The following SPATA6 variants were observed in gnomAD, a reference collection of about 807,000 sequenced individuals.
SPATA6 encodes spermatogenesis associated 6, also known as spermatogenesis-associated protein 6.
Under a neutral mutation model 65.3 loss-of-function variants are expected in SPATA6, and 56 were observed. The ratio of observed to expected loss-of-function variants is 0.86; its 90% CI spans 0.69 to 1.07. The LOEUF (loss-of-function observed/expected upper bound fraction) is 1.07, where lower values mean the gene tolerates loss of function less well. SPATA6 is among the 50% of genes least tolerant of loss of function. The pLI is 0.00. For synonymous variants in SPATA6, 199 were observed against 213.2 expected (o/e 0.93, Z 0.58); for missense variants, 590 against 594.8 (o/e 0.99, Z 0.08).
At chr1:48,467,890 G>GT (rs1194655471) in intron 1 of SPATA6, among the ~76,000 whole-genome samples, 2 of 152,108 alleles carry the variant, frequency 1.3e-5, no homozygotes, top group South Asian at 2.1e-4. Flanking sequence ...TCAAAAAATT[G>GT]TAAGTGTTGG....
chr1:48,428,551 TA>T (rs1654060605), intron 3 of SPATA6, among the ~76,000 whole-genome samples: 1 of 152,142 alleles, frequency 6.6e-6, no homozygotes, highest in East Asian at 1.9e-4. Context: ...AAGAAAATCA[TA>T]AGGGAGAGAA....
chr1:48,268,462 AC>A, the SPATA6 span, among the ~76,000 whole-genome samples: 2 of 152,026 alleles, frequency 1.3e-5, no homozygotes, highest in Non-Finnish European at 2.9e-5. Context: ...CTGTAGGGTC[AC>A]TTCTGCTGAA....
intron 12 of SPATA6, among the ~76,000 whole-genome samples, 195 bp downstream of exon 12, chr1:48,305,592 T>A (rs1320736677): frequency 6.6e-6 from 1 of 152,074 alleles, no homozygotes; most frequent in East Asian, 1.9e-4. Context: ...ATGAAGGGCA[T>A]CACCAATAAT....
the SPATA6 span, among the ~76,000 whole-genome samples, chr1:48,283,693 A>AGAAAGAAAGAAAGAAAGAAAG: frequency 1.3e-3 from 10 of 7,874 alleles, no homozygotes; most frequent in Admixed American, 3.7e-3. Context: ...AAAAAAAAAA[A>AGAAAGAAAGAAAGAAAGAAAG]AAAAAAAGAA....
chr1:48,319,240 A>G (rs1200939514), intron 11 of SPATA6, among the ~76,000 whole-genome samples: 1 of 152,230 alleles, frequency 6.6e-6, no homozygotes, highest in African/African-American at 2.4e-5. Context: ...AAAAGTAACC[A>G]AAGAAAACAT....
At chr1:48,364,379 T>C (rs533340582) in intron 9 of SPATA6, among the ~76,000 whole-genome samples, 1 of 152,370 alleles carries the variant, frequency 6.6e-6, no homozygotes, top group East Asian at 1.9e-4. Context: ...ATCGCCACAC[T>C]GACTTCCACA....
chr1:48,319,250 T>G (rs917072667), intron 11 of SPATA6, among the ~76,000 whole-genome samples: 24 of 152,040 alleles, frequency 1.6e-4, no homozygotes, highest in African/African-American at 5.6e-4. Context: ...AAAGAAAACA[T>G]AGAAAAGTTG....
At chr1:48,461,987 A>G (rs1163607835) in intron 1 of SPATA6, among the ~76,000 whole-genome samples, 1 of 152,250 alleles carries the variant, frequency 6.6e-6, no homozygotes, top group Non-Finnish European at 1.5e-5. Flanking sequence ...AATGTGGCAC[A>G]TATACACCGT....
intron 3 of SPATA6, among the ~76,000 whole-genome samples, chr1:48,419,751 A>C (rs542450858): frequency 6.6e-6 from 1 of 152,336 alleles, no homozygotes; most frequent in African/African-American, 2.4e-5. Flanking sequence ...CTTCATCTTA[A>C]GAATACTAGA....
At chr1:48,381,591 A>T (rs1648586828) in intron 9 of SPATA6, among the ~76,000 whole-genome samples, 1 of 151,528 alleles carries the variant, frequency 6.6e-6, no homozygotes, top group Non-Finnish European at 1.5e-5. Context: ...GTTTAAGAAA[A>T]TAAATAGTTT....
chr1:48,388,967 T>C (rs1649775559), intron 8 of SPATA6, among the ~76,000 whole-genome samples: 1 of 152,034 alleles, frequency 6.6e-6, no homozygotes, highest in Non-Finnish European at 1.5e-5. Context: ...CTCATTGCAA[T>C]CTCTGTCTCC....
intron 3 of SPATA6, among the ~76,000 whole-genome samples, chr1:48,446,054 G>C (rs1214667968): frequency 6.6e-6 from 1 of 152,130 alleles, no homozygotes; most frequent in Non-Finnish European, 1.5e-5. Flanking sequence ...CTAAAACAGG[G>C]TATTCAAGGA....
Position 48,451,533 on chromosome 1 carries a change from A to T in SPATA6, c.238+19T>A, listed in dbSNP as rs759432834. On this transcript the variant is annotated intron_variant, in intron 3 of 12. Transcript: ENST00000371847. ...CTAAAATGTCTTAGAATCAGGAATTAAAAAGTTAAAAAACTTACATTCAAG... is the reference window on the plus strand; with the variant it reads ...CTAAAATGTCTTAGAATCAGGAATTTAAAAGTTAAAAAACTTACATTCAAG... The T allele has an allele frequency of 4.4e-6, 7 of 1,600,680 alleles. No individual in the cohort carries two copies. The highest frequency in any genetic ancestry group is 4.0e-5 in the African/African-American group (3 of 74,284).
At chr1:48,392,325 T>G (rs924555296) in intron 8 of SPATA6, among the ~76,000 whole-genome samples, 5 of 151,912 alleles carry the variant, frequency 3.3e-5, no homozygotes, top group African/African-American at 1.2e-4. Context: ...CTAAGCAAAA[T>G]GTAAAAAGAG....
the SPATA6 span, among the ~76,000 whole-genome samples, chr1:48,278,491 G>C: frequency 6.6e-6 from 1 of 152,202 alleles, no homozygotes; most frequent in Non-Finnish European, 1.5e-5. Context: ...GCTTAAAGGA[G>C]CTGATGGAGC....
intron 11 of SPATA6, among the ~76,000 whole-genome samples, chr1:48,345,446 C>A (rs1433921936): frequency 6.6e-6 from 1 of 151,884 alleles, no homozygotes; most frequent in Non-Finnish European, 1.5e-5. Context: ...AGTAGAGAAC[C>A]AAGAGCAAGC....
At chr1:48,374,162 A>G (rs982328279) in intron 9 of SPATA6, among the ~76,000 whole-genome samples, 6 of 152,214 alleles carry the variant, frequency 3.9e-5, no homozygotes, top group Non-Finnish European at 5.9e-5. Context: ...AAGCTGAGAC[A>G]AATATTATGA....
At chr1:48,438,330 T>A (rs1029610809) in intron 3 of SPATA6, among the ~76,000 whole-genome samples, 1 of 152,120 alleles carries the variant, frequency 6.6e-6, no homozygotes, top group Admixed American at 6.5e-5. Flanking sequence ...TACTATTCTG[T>A]CCTATTTTTC....
chr1:48,415,869 T>C (rs193252441), intron 3 of SPATA6, among the ~76,000 whole-genome samples: 7 of 152,202 alleles, frequency 4.6e-5, no homozygotes, highest in Admixed American at 2.0e-4. Context: ...AAAATATCCC[T>C]AGGCATGTCA....
Sources: allele counts gnomAD v4.1 joint callset (sites outside exome capture counted in the v4.1 genomes callset), GRCh38; gene constraint gnomAD v4.1.1; transcripts MANE v1.5; gene names NCBI Gene and HGNC (gene_info 2026-07-23, HGNC 2026-07-21).